Variants in KCNN1 observed in about 807,000 individuals in gnomAD.
KCNN1 encodes small conductance calcium-activated potassium channel protein 1.
KCNN1 carries 20 observed loss-of-function variants against 44.7 expected under a neutral mutation model. The ratio of observed to expected loss-of-function variants is 0.45; its 90% confidence interval spans 0.32 to 0.65. KCNN1 has a LOEUF of 0.65. Among genes scored for constraint, KCNN1 ranks in the 30% least tolerant of loss-of-function variants. KCNN1 has a pLI of 0.05. For missense variants in KCNN1, 632 were observed against 785.3 expected (o/e 0.80, Z 2.33); for synonymous variants, 324 against 341.7 (o/e 0.95, Z 0.57).
In KCNN1 at chr19:17,974,055, C is replaced by A. The variant is rs1326571131; in HGVS notation, c.167C>A (p.Pro56His). 2 of 1,610,684 alleles carry A rather than the reference C, an allele frequency of 1.2e-6. No individual in the cohort carries two copies. The highest frequency in any genetic ancestry group is 4.5e-5 in the East Asian group (2 of 44,840). ...AAGAGTGAGCCAGCCCGGCCCTCACCCGGCAGCCCCCGGGGGCAGCCCCAG... is the reference window on the plus strand; with the variant it reads ...AAGAGTGAGCCAGCCCGGCCCTCACACGGCAGCCCCCGGGGGCAGCCCCAG... Reference protein sequence around the residue: ...VAKSEPARPSPGSPRGQPQDQ... With the variant: ...VAKSEPARPSHGSPRGQPQDQ... Residue 56 changes from proline to histidine, a missense_variant, in exon 2 of 10, where the codon CCC becomes CAC. Physicochemically the swap from Pro to His is moderately conservative, Grantham distance 77 (BLOSUM62 -2). Around this residue, in one of 3 missense-constraint regions of KCNN1, gnomAD observed 235 missense variants for 224.0 expected, o/e 1.05. Coordinates refer to ENST00000684775, the MANE Select transcript of KCNN1 (RefSeq NM_001386974.1). The surrounding 1 kb of genome is among the most constrained non-coding windows in gnomAD (Gnocchi z 7.3).
intron 3 of KCNN1, among the ~76,000 whole-genome samples, chr19:17,978,444 T>TC (rs58108552): frequency 1.4e-5 from 2 of 147,300 alleles, no homozygotes; most frequent in Non-Finnish European, 3.0e-5. Context: ...TTTTTTTTTT[T>TC]AAACACAGGA....
chr19:17,979,442 A>G (rs2032322019), intron 3 of KCNN1, among the ~76,000 whole-genome samples: 1 of 144,372 alleles, frequency 6.9e-6, no homozygotes, highest in Non-Finnish European at 1.5e-5. Flanking sequence ...CAAAAAAAAA[A>G]AAAAAAAAAA....
intron 2 of KCNN1, among the ~76,000 whole-genome samples, chr19:17,961,590 T>C (rs1456229466): frequency 6.7e-6 from 1 of 149,790 alleles, no homozygotes; most frequent in Non-Finnish European, 1.5e-5. Context: ...TTCTTTCTTT[T>C]TTTTTTTTTG....
chr19:17,998,063 C>T lies in KCNN1; in HGVS notation c.1378-89C>T. 7.1e-7 allele frequency: 1 copy of T among 1,402,224 alleles called. No individual in the cohort carries two copies. The highest frequency in any genetic ancestry group is 2.5e-5 in the Admixed American group (1 of 40,424). 86.9% of individuals were successfully genotyped at this position (1,402,224 alleles called of 1,614,324 possible). On this transcript the variant is annotated intron_variant, in intron 9 of 9. Coordinates refer to ENST00000684775, the MANE Select transcript of KCNN1 (RefSeq NM_001386974.1). The surrounding 1 kb of genome is among the most constrained non-coding windows in gnomAD (Gnocchi z 5.4). ...CTGGCACCCACCTGGAGCGTGTGGG[C>T]TGTCCCTCTCTGTCATTGGTGTCGT...
chr19:17,995,967 T>C (rs2032974312), intron 9 of KCNN1, among the ~76,000 whole-genome samples: 1 of 152,164 alleles, frequency 6.6e-6, no homozygotes, highest in African/African-American at 2.4e-5. Context: ...TGATAAACAG[T>C]TGATTCACAT....
At position 17,993,358 on chromosome 19, in the gene KCNN1, T is replaced by A; in HGVS notation, c.1308-132T>A. ...GGGAATAGACTACAGGGAATCGGCCTCCCAACTCCCACCTCATCCTCTGAT... is the reference window on the plus strand; with the variant it reads ...GGGAATAGACTACAGGGAATCGGCCACCCAACTCCCACCTCATCCTCTGAT... On this transcript the variant is annotated intron_variant, in intron 8 of 9. Transcript: ENST00000684775. This position sits in a 1 kb window ranked among gnomAD's most constrained non-coding sequence, Gnocchi z 4.5. 1.4e-6 allele frequency: 1 copy of A among 734,100 alleles called. No individual in the cohort carries two copies. The highest frequency in any genetic ancestry group is 1.7e-5 in the South Asian group (1 of 60,370). The allele number at this position is 734,100 out of a possible 1,614,324, so 45.5% of individuals were successfully genotyped here.
At chr19:17,966,011 GCCTGCCTGCCTGCCTT>G (rs1213798448), upstream of KCNN1, among the ~76,000 whole-genome samples, 39 of 119,072 alleles carry the variant, frequency 3.3e-4, no homozygotes, top group South Asian at 1.1e-3. Context: ...CTGCCTGCCT[GCCTGCCTGCCTGCCTT>G]CCTTCCTTCC....
At chr19:17,956,128 G>C (rs1354331521) in intron 2 of KCNN1, among the ~76,000 whole-genome samples, 1 of 152,066 alleles carries the variant, frequency 6.6e-6, no homozygotes, top group East Asian at 1.9e-4. Flanking sequence ...AGTAGAGATG[G>C]GGTTTCCCCA....
At chr19:17,996,832 G>T (rs909780128) in intron 9 of KCNN1, among the ~76,000 whole-genome samples, 3 of 152,134 alleles carry the variant, frequency 2.0e-5, no homozygotes, top group African/African-American at 7.2e-5. Flanking sequence ...AAAGGGTAGG[G>T]GGCACAGTGG....
At chr19:17,961,582 CTTTCTTTTT>C (rs2031680397) in intron 2 of KCNN1, among the ~76,000 whole-genome samples, 1 of 101,310 alleles carries the variant, frequency 9.9e-6, no homozygotes, top group African/African-American at 4.4e-5. Flanking sequence ...TTCTTTCTTT[CTTTCTTTTT>C]TTTTTTTTGA....
At chr19:17,964,847 A>C (rs1439576786), upstream of KCNN1, among the ~76,000 whole-genome samples, 1 of 152,182 alleles carries the variant, frequency 6.6e-6, no homozygotes, top group Non-Finnish European at 1.5e-5. This position sits in a 1 kb window ranked among gnomAD's most constrained non-coding sequence, Gnocchi z 4.3. Context: ...GAGAACAAGC[A>C]CAGGTCTTTT....
intron 7 of KCNN1, among the ~76,000 whole-genome samples, chr19:17,992,763 CT>C (rs1362717452): frequency 1.3e-5 from 2 of 152,178 alleles, no homozygotes; most frequent in African/African-American, 4.8e-5. Context: ...GGCTTTACCC[CT>C]CTGAGCCTCA....
intron 1 of KCNN1, among the ~76,000 whole-genome samples, chr19:17,969,755 G>C (rs147156631): frequency 1.3e-5 from 2 of 152,230 alleles, no homozygotes; most frequent in African/African-American, 4.8e-5. Flanking sequence ...CAGGCCACCC[G>C]CTTCTCATCC....
chr19:17,975,275 A>C lies in KCNN1; in HGVS notation c.498+88A>C. 2 of 887,926 alleles carry C rather than the reference A, an allele frequency of 2.3e-6. 1 individual carries two copies. The allele number at this position is 887,926 out of a possible 1,614,324, so 55.0% of individuals were successfully genotyped here. On this transcript the variant is annotated intron_variant, in intron 3 of 9. Transcript: ENST00000684775. The stretch of plus-strand genomic sequence containing the variant: ...CCCACCTTAGACCCCATCCCCTCAA[A>C]ACATAAAAGGATGTATAATTGGCTT...
intron 3 of KCNN1, among the ~76,000 whole-genome samples, chr19:17,978,712 T>C (rs925256912): frequency 6.7e-6 from 1 of 150,084 alleles, no homozygotes; most frequent in African/African-American, 2.4e-5. Flanking sequence ...CTCAGCCTCC[T>C]AAAGTGTTGG....
In KCNN1 at chr19:17,988,514, C is replaced by T; in HGVS notation, c.1159C>T (p.Leu387Phe). 1 of 1,613,422 alleles carries T rather than the reference C, an allele frequency of 6.2e-7. No homozygotes were observed. The highest frequency in any genetic ancestry group is 2.2e-5 in the East Asian group (1 of 44,860). The change falls in exon 6 of 10, where the codon CTC (leucine) becomes TTC (phenylalanine). Residue 387 changes from leucine (L) to phenylalanine (F), a missense_variant. By Grantham distance (22) the Leu-to-Phe change is conservative. Transcript: ENST00000684775. ...HVHNFMMDTQ[L>F]TKRVKNAAAN... is the part of the protein sequence containing the mutation. Reference sequence around the variant, plus strand: ...GCACAACTTCATGATGGACACTCAGCTCACCAAGCGGGTGAGGACCGCGGT... The same window carrying T: ...GCACAACTTCATGATGGACACTCAGTTCACCAAGCGGGTGAGGACCGCGGT...
chr19:17,982,610 G>A (rs2032456423), intron 4 of KCNN1: 1 of 984,496 alleles, frequency 1.0e-6, no homozygotes. Context: ...TGTGTGCGCA[G>A]AGCAGCCACT....
At chr19:17,988,387 T>C (rs2032675470) in intron 5 of KCNN1, 28 bp from the exon 6 acceptor site, 1 of 1,584,364 alleles carries the variant, frequency 6.3e-7, no homozygotes, top group South Asian at 1.1e-5. Flanking sequence ...GACAGGACGC[T>C]GATGTGCCCC....
intron 1 of KCNN1, chr19:17,954,425 C>T (rs1386427159): frequency 6.6e-6 from 1 of 152,148 alleles, no homozygotes; most frequent in Non-Finnish European, 1.5e-5. Context: ...TCACTACACT[C>T]CAGCCTGGGT....
Sources: gnomAD v4.1 joint callset for allele counts (sites outside exome capture counted in the v4.1 genomes callset) on GRCh38, gnomAD v4.1.1 for gene constraint, gnomAD v4.1.1 regional missense constraint, Gnocchi (gnomAD v3.1) non-coding constraint, MANE v1.5 for transcripts, NCBI Gene and HGNC (gene_info 2026-07-23, HGNC 2026-07-21) for gene names.